The following PAN3 variants were observed in gnomAD, a reference collection of about 807,000 sequenced individuals.
PAN3 encodes the protein PAN2-PAN3 deadenylation complex subunit PAN3.
PAN3 carries 19 observed loss-of-function variants against 96.2 expected under a neutral mutation model. The observed-to-expected ratio is 0.20, with a 90% CI of 0.14 to 0.29. PAN3 has a LOEUF of 0.29. PAN3 is among the 10% of genes least tolerant of loss of function. The pLI, the probability that PAN3 is intolerant of heterozygous loss-of-function variation, is 1.00. For synonymous variants in PAN3, 433 were observed against 406.6 expected, an observed-to-expected ratio of 1.06 and a Z score of -0.78; for missense variants, 882 against 1,108.1, an observed-to-expected ratio of 0.80 and a Z score of 2.90.
chr13:28,200,481 C>G (rs1342648009), intron 5 of PAN3, among the ~76,000 whole-genome samples: 1 of 152,178 alleles, frequency 6.6e-6, no homozygotes, highest in Non-Finnish European at 1.5e-5. Flanking sequence ...TTTCCGAGCT[C>G]TGATGGAATG....
intron 4 of PAN3, among the ~76,000 whole-genome samples, chr13:28,184,307 T>C (rs941797234): frequency 4.6e-5 from 7 of 152,134 alleles, no homozygotes; most frequent in Non-Finnish European, 1.0e-4. Flanking sequence ...TTTTATCATA[T>C]CATTTAGTTA....
At chr13:28,217,138 TACA>T (rs200989853) in intron 5 of PAN3, among the ~76,000 whole-genome samples, 1,530 of 151,510 alleles carry the variant, frequency 0.01, 24 homozygotes, top group African/African-American at 0.035. Context: ...TGATAATAAT[TACA>T]ACAACATTTA....
At chr13:28,287,111 C>G (rs1220532467) in intron 17 of PAN3, among the ~76,000 whole-genome samples, 2 of 152,124 alleles carry the variant, frequency 1.3e-5, no homozygotes, top group East Asian at 3.8e-4. Context: ...CCTTAAGTTT[C>G]TTCAATGTCC....
chr13:28,216,987 G>A (rs766107633), intron 5 of PAN3, among the ~76,000 whole-genome samples: 7 of 151,674 alleles, frequency 4.6e-5, no homozygotes, highest in Non-Finnish European at 7.4e-5. Context: ...GGTGGCGGGC[G>A]CCTGTAATCC....
chr13:28,251,995 C>G (rs972110323), intron 6 of PAN3, among the ~76,000 whole-genome samples: 1 of 151,822 alleles, frequency 6.6e-6, no homozygotes, highest in South Asian at 2.1e-4. Context: ...TCAAATGATT[C>G]TCCTGCCTCA....
At chr13:28,215,765 T>C in intron 5 of PAN3, 2 of 1,461,234 alleles carry the variant, frequency 1.4e-6, no homozygotes, top group South Asian at 1.1e-5. Flanking sequence ...CAGACCATCC[T>C]CTTCTGAGTT....
intron 8 of PAN3, 53 bp from the exon 9 acceptor site, chr13:28,261,348 T>A: frequency 2.3e-6 from 3 of 1,297,640 alleles, no homozygotes; most frequent in Non-Finnish European, 3.2e-6. Flanking sequence ...TAATAGGAAT[T>A]CCAGGTTTCA....
intron 18 of PAN3, among the ~76,000 whole-genome samples, chr13:28,292,006 T>A (rs1429079591): frequency 2.0e-5 from 3 of 152,124 alleles, no homozygotes; most frequent in African/African-American, 4.8e-5. Context: ...TATTTATACT[T>A]CTAAGTATTT....
At chr13:28,170,945 C>T (rs998368921) in intron 1 of PAN3, among the ~76,000 whole-genome samples, 2 of 152,072 alleles carry the variant, frequency 1.3e-5, no homozygotes, top group Admixed American at 6.6e-5. Context: ...TACAGGCATG[C>T]GCCACCATGC....
intron 6 of PAN3, among the ~76,000 whole-genome samples, chr13:28,246,291 C>T (rs1884178834): frequency 6.6e-6 from 1 of 151,928 alleles, no homozygotes; most frequent in African/African-American, 2.4e-5. Context: ...TATTCTTATT[C>T]ATACTAGACC....
At chr13:28,281,520 G>T in intron 17 of PAN3, 141 bp downstream of exon 17, 1 of 782,374 alleles carries the variant, frequency 1.3e-6, no homozygotes, top group Admixed American at 2.8e-5. Context: ...AGCTGTTAAG[G>T]TGCTATTTTT....
At chr13:28,171,023 C>T (rs1283063584) in intron 1 of PAN3, among the ~76,000 whole-genome samples, 1 of 152,062 alleles carries the variant, frequency 6.6e-6, no homozygotes, top group Non-Finnish European at 1.5e-5. Flanking sequence ...CTCAAACTCC[C>T]TACCTCAGGC....
intron 4 of PAN3, among the ~76,000 whole-genome samples, chr13:28,193,714 G>C (rs1877578082): frequency 7.6e-6 from 1 of 132,238 alleles, no homozygotes; most frequent in Non-Finnish European, 1.5e-5. Context: ...CTGCACTCCA[G>C]CCTGGGAGTG....
intron 5 of PAN3, among the ~76,000 whole-genome samples, chr13:28,207,638 G>C (rs7320453): frequency 0.17 from 26,342 of 152,060 alleles, 4,421 homozygotes; most frequent in African/African-American, 0.44. Flanking sequence ...TTTTAAGATT[G>C]AATTCATACA....
chr13:28,270,810 A>G lies in PAN3; in HGVS notation c.1902A>G (p.Ala634=). Reference sequence around the variant, plus strand: ...CTGCATTGCGTACCATTCATACAGCAGGTTTGGCATGTCGAGTTATGGATC... The same window carrying G: ...CTGCATTGCGTACCATTCATACAGCGGGTTTGGCATGTCGAGTTATGGATC... ...LSSALRTIHT[A]GLACRVMDPT... The change falls in exon 13 of 19, where the codon GCA becomes GCG. Residue 634 remains alanine (A), a synonymous_variant. Coordinates refer to ENST00000380958, the MANE Select transcript of PAN3 (RefSeq NM_175854.8). 6.2e-7 allele frequency: 1 copy of G among 1,614,018 alleles called. No homozygotes were observed. The highest frequency in any genetic ancestry group is 8.5e-7 in the Non-Finnish European group (1 of 1,179,870).
intron 1 of PAN3, among the ~76,000 whole-genome samples, chr13:28,144,896 T>G (rs919015194): frequency 6.6e-6 from 1 of 151,366 alleles, no homozygotes; most frequent in Non-Finnish European, 1.5e-5. Flanking sequence ...ATTCTCGTAT[T>G]TTTAGTAGAG....
At chr13:28,252,777 C>CA (rs949258535) in intron 6 of PAN3, among the ~76,000 whole-genome samples, 2 of 151,720 alleles carry the variant, frequency 1.3e-5, no homozygotes, top group Non-Finnish European at 2.9e-5. Flanking sequence ...AAAAAAAATA[C>CA]AAAAAATGAA....
intron 1 of PAN3, among the ~76,000 whole-genome samples, chr13:28,152,421 T>C (rs1176630932): frequency 6.6e-6 from 1 of 151,872 alleles, no homozygotes; most frequent in Non-Finnish European, 1.5e-5. Context: ...GTGTCTCTAC[T>C]AAAAACACAA....
At chr13:28,260,789 T>A (rs1029676706) in intron 8 of PAN3, among the ~76,000 whole-genome samples, 1 of 152,214 alleles carries the variant, frequency 6.6e-6, no homozygotes, top group East Asian at 1.9e-4. Context: ...TGGTTCACTG[T>A]TCTGTACTTC....
Sources: gnomAD v4.1 joint callset for allele counts (sites outside exome capture counted in the v4.1 genomes callset) on GRCh38, gnomAD v4.1.1 for gene constraint, MANE v1.5 for transcripts, NCBI Gene and HGNC (gene_info 2026-07-23, HGNC 2026-07-21) for gene names.